BCL9: variants seen among roughly 807,000 people sequenced by gnomAD.
BCL9 encodes B-cell CLL/lymphoma 9 protein.
Under a neutral mutation model 88.5 loss-of-function variants are expected in BCL9, and 25 were observed. The ratio of observed to expected loss-of-function variants is 0.28; its 90% confidence interval spans 0.21 to 0.39. The LOEUF is 0.39. Ranked by LOEUF, BCL9 falls within the 10% of genes least tolerant of loss-of-function variation. The pLI is 1.00. For missense variants in BCL9, 1,817 were observed against 1,877.8 expected, an observed-to-expected ratio of 0.97 and a Z score of 0.60; for synonymous variants, 711 against 673.3, an observed-to-expected ratio of 1.06 and a Z score of -0.87.
At chr1:147,586,115 C>G (rs1038438699) in intron 1 of BCL9, among the ~76,000 whole-genome samples, 1 of 152,128 alleles carries the variant, frequency 6.6e-6, no homozygotes, top group Admixed American at 6.5e-5. Context: ...CTAAACTCAC[C>G]TTATTAACTC....
At chr1:147,576,798 C>T (rs868967648) in intron 1 of BCL9, among the ~76,000 whole-genome samples, 2 of 152,094 alleles carry the variant, frequency 1.3e-5, no homozygotes, top group African/African-American at 2.4e-5. Flanking sequence ...CTTTCTCACC[C>T]GCCTCCTCTG....
intron 1 of BCL9, among the ~76,000 whole-genome samples, chr1:147,560,699 C>CCTAG (rs1303049549): frequency 1.3e-5 from 2 of 151,694 alleles, no homozygotes; most frequent in African/African-American, 4.8e-5. Flanking sequence ...ATGACTTGAG[C>CCTAG]CTAGGAGTTT....
intron 1 of BCL9, among the ~76,000 whole-genome samples, chr1:147,587,400 C>T (rs1388001586): frequency 6.6e-6 from 1 of 152,194 alleles, no homozygotes; most frequent in African/African-American, 2.4e-5. Context: ...GCCCCTCCCC[C>T]GGAACAGGCT....
rs191014243 is a variant in BCL9 at position 147,622,594 on chromosome 1, G to A, written c.3163+63G>A. On this transcript the variant is annotated intron_variant, in intron 9 of 9. Coordinates refer to ENST00000234739, the MANE Select transcript of BCL9 (RefSeq NM_004326.4). The stretch of plus-strand genomic sequence containing the variant: ...AGACCAAAGAGAAACCTCTTGAAGC[G>A]TTTTCTCAATGGCTATACACCTGAA... 2.3e-4 allele frequency: 372 copies of A among 1,591,918 alleles called. 1 individual carries two copies. The African/African-American group carries it at 3.3e-3, about 14-fold the overall frequency.
rs1379755538 is a variant in BCL9 at position 147,619,176 on chromosome 1, C to T, written c.1021C>T (p.Pro341Ser). 22 of 1,612,814 alleles carry T rather than the reference C, an allele frequency of 1.4e-5. No homozygotes were observed. The highest frequency in any genetic ancestry group is 1.9e-5 in the Non-Finnish European group (22 of 1,179,412). Residue 341 changes from proline (P) to serine (S), a missense_variant, in exon 8 of 10, where the codon CCC becomes TCC. Transcript: ENST00000234739. This position sits in a 1 kb window ranked among gnomAD's most constrained non-coding sequence, Gnocchi z 4.1. ...GCCTCCACCAGTGTCCAGTGGCGAG[C>T]CCCCCACACTGGGAGAGAATCCCGA... is the stretch of plus-strand genomic sequence containing the variant. ...PPPPPVSSGE[P>S]PTLGENPDGL...
In BCL9 at chr1:147,624,314, T is replaced by C. The variant is rs1293263974; in HGVS notation, c.3636T>C (p.Pro1212=). The part of the protein sequence containing the change: ...DSFTVLGNSM[P]SVFTDPDLQE... ...TCACTGTCCTGGGGAACAGCATGCC[T>C]TCGGTGTTTACAGACCCAGATCTGC... Residue 1212 remains proline (P), a synonymous_variant, in exon 10 of 10, where the codon CCT becomes CCC. Coordinates refer to ENST00000234739, the MANE Select transcript of BCL9 (RefSeq NM_004326.4). This position sits in a 1 kb window ranked among gnomAD's most constrained non-coding sequence, Gnocchi z 4.4. 2 of 1,614,142 alleles carry C rather than the reference T, an allele frequency of 1.2e-6. No homozygotes were observed. The highest frequency in any genetic ancestry group is 2.2e-5 in the South Asian group (2 of 91,088).
intron 1 of BCL9, among the ~76,000 whole-genome samples, chr1:147,568,021 C>T (rs1309817671): frequency 6.6e-6 from 1 of 152,208 alleles, no homozygotes; most frequent in African/African-American, 2.4e-5. Context: ...AGCTGCATCT[C>T]TCTGTGACAA....
In BCL9 at chr1:147,619,844, T is replaced by G; in HGVS notation, c.1689T>G (p.Pro563=). The G allele has an allele frequency of 6.2e-7, 1 of 1,614,172 alleles. No individual in the cohort carries two copies. Among genetic ancestry groups the G allele is most frequent in the Non-Finnish European group, 8.5e-7 (1 of 1,180,034 alleles). ...TGCCAGGGAGCCAGATGCGCCTCCC[T>G]GGATTTGCAGGCATGATAAACTCTG... The part of the protein sequence containing the change: ...PNMPGSQMRL[P]GFAGMINSEM... The change falls in exon 8 of 10, where the codon CCT becomes CCG. Residue 563 remains proline, a synonymous_variant. Coordinates refer to ENST00000234739, the MANE Select transcript of BCL9 (RefSeq NM_004326.4). The surrounding 1 kb of genome is among the most constrained non-coding windows in gnomAD (Gnocchi z 4.1).
rs1658693330 is a variant in BCL9, at chr1:147,622,434, C to T, written c.3066C>T (p.Thr1022=). The T allele has an allele frequency of 1.2e-6, 2 of 1,614,006 alleles. No homozygotes were observed. The highest frequency in any genetic ancestry group is 1.7e-6 in the Non-Finnish European group (2 of 1,180,038). The change falls in exon 9 of 10, where the codon ACC becomes ACT. Residue 1022 remains threonine (T), a synonymous_variant. Transcript: ENST00000234739. The part of the protein sequence containing the change: ...RMSKFAMPSS[T]PLYHDAIKTV... ...CCAAGTTTGCAATGCCCAGTTCCAC[C>T]CCGTTATACCATGATGCTATCAAGA...
chr1:147,597,842 T>C (rs1657122155), intron 1 of BCL9, among the ~76,000 whole-genome samples: 1 of 152,252 alleles, frequency 6.6e-6, no homozygotes, highest in African/African-American at 2.4e-5. Context: ...GTATGTTTAA[T>C]ATTCATTTGC....
Position 147,619,811 on chromosome 1 carries a change from C to G in BCL9, c.1656C>G (p.His552Gln), listed in dbSNP as rs1553204771. 1 of 1,614,044 alleles carries G rather than the reference C, an allele frequency of 6.2e-7. No homozygotes were observed. The highest frequency in any genetic ancestry group is 2.2e-5 in the East Asian group (1 of 44,886). The part of the protein sequence containing the change: ...HSLPPRGMAP[H>Q]PNMPGSQMRL... The stretch of plus-strand genomic sequence containing the variant: ...TGCCCCCGAGGGGCATGGCTCCCCA[C>G]CCCAACATGCCAGGGAGCCAGATGC... Residue 552 changes from histidine (H) to glutamine (Q), a missense_variant, in exon 8 of 10, where the codon CAC becomes CAG. Physicochemically the swap from His to Gln is conservative, Grantham distance 24. Coordinates refer to ENST00000234739, the MANE Select transcript of BCL9 (RefSeq NM_004326.4). This position sits in a 1 kb window ranked among gnomAD's most constrained non-coding sequence, Gnocchi z 4.1.
At chr1:147,561,544 A>C (rs1267152823) in intron 1 of BCL9, among the ~76,000 whole-genome samples, 1 of 152,228 alleles carries the variant, frequency 6.6e-6, no homozygotes, top group Non-Finnish European at 1.5e-5. Flanking sequence ...TGCGTGATGC[A>C]GCCCAAACAT....
intron 1 of BCL9, among the ~76,000 whole-genome samples, chr1:147,550,833 G>T (rs1654866303): frequency 6.6e-6 from 1 of 152,150 alleles, no homozygotes; most frequent in African/African-American, 2.4e-5. Flanking sequence ...CTGTAAAATA[G>T]GGATAATAAT....
chr1:147,610,663 G>C (rs1448547098), intron 3 of BCL9, among the ~76,000 whole-genome samples: 1 of 152,200 alleles, frequency 6.6e-6, no homozygotes, highest in Non-Finnish European at 1.5e-5. Context: ...TAATGGGATA[G>C]TGGTTACAAG....
At chr1:147,596,473 G>A (rs1290844233) in intron 1 of BCL9, among the ~76,000 whole-genome samples, 1 of 139,066 alleles carries the variant, frequency 7.2e-6, no homozygotes, top group Non-Finnish European at 1.5e-5. Context: ...GAGTGCAGTG[G>A]AGCGATCTAG....
intron 1 of BCL9, among the ~76,000 whole-genome samples, chr1:147,570,389 G>A (rs931636756): frequency 1.2e-4 from 19 of 152,162 alleles, no homozygotes; most frequent in Non-Finnish European, 2.2e-4. Flanking sequence ...CAAAGAGGTT[G>A]GGCAAGATGT....
At chr1:147,556,539 C>A (rs1473673814) in intron 1 of BCL9, among the ~76,000 whole-genome samples, 4 of 152,078 alleles carry the variant, frequency 2.6e-5, no homozygotes, top group African/African-American at 9.7e-5. Flanking sequence ...CAACTTTGAC[C>A]TCTCAGGCTT....
At chr1:147,618,696 A>G in intron 7 of BCL9, 120 bp from the exon 8 acceptor site, 1 of 1,027,508 alleles carries the variant, frequency 9.7e-7, no homozygotes, top group Non-Finnish European at 1.3e-6. Flanking sequence ...AGCAATTTCT[A>G]CAGCCAGTGT....
chr1:147,583,739 G>A (rs1467836554), intron 1 of BCL9, among the ~76,000 whole-genome samples: 1 of 151,550 alleles, frequency 6.6e-6, no homozygotes, highest in Non-Finnish European at 1.5e-5. Flanking sequence ...GATCACCTGA[G>A]GTCAGGGGTG....
Sources: allele counts gnomAD v4.1 joint callset (sites outside exome capture counted in the v4.1 genomes callset), GRCh38; gene constraint gnomAD v4.1.1; non-coding constraint Gnocchi (gnomAD v3.1); transcripts MANE v1.5; gene names NCBI Gene and HGNC (gene_info 2026-07-23, HGNC 2026-07-21).